POLDIP3: variants seen among roughly 807,000 people sequenced by gnomAD.
POLDIP3 encodes DNA polymerase delta interacting protein 3.
In POLDIP3, 14 loss-of-function variants were observed where a neutral mutation model predicts 45.1. The observed-to-expected ratio is 0.31, with a 90% CI of 0.20 to 0.49. The LOEUF is 0.49. Among genes scored for constraint, POLDIP3 ranks in the 20% least tolerant of loss-of-function variants. The pLI is 0.99. For missense variants in POLDIP3, 511 were observed against 538.8 expected, an observed-to-expected ratio of 0.95 and a Z score of 0.51; for synonymous variants, 223 against 205.2, an observed-to-expected ratio of 1.09 and a Z score of -0.74.
chr22:42,603,842 A>G lies in POLDIP3; in HGVS notation c.60-682T>C, dbSNP rs752729861. Among the ~76,000 whole-genome samples, 71 of 152,376 alleles carry G rather than the reference A, an allele frequency of 4.7e-4. 1 individual carries two copies. Among genetic ancestry groups the G allele is most frequent in the Non-Finnish European group, 6.0e-4 (41 of 68,036 alleles). ...GAAATGATCGGGTACAGGGTTCGCTATTTGGGTAATGGGTACACTAGAAAC... is the reference window on the plus strand; with the variant it reads ...GAAATGATCGGGTACAGGGTTCGCTGTTTGGGTAATGGGTACACTAGAAAC... On this transcript the variant is annotated intron_variant, in intron 1 of 8. Coordinates refer to ENST00000252115, the MANE Select transcript of POLDIP3 (RefSeq NM_032311.5).
At chr22:42,601,379 CAA>C (rs113485417) in intron 3 of POLDIP3, among the ~76,000 whole-genome samples, 8 of 120,218 alleles carry the variant, frequency 6.7e-5, no homozygotes, top group Non-Finnish European at 9.0e-5. Flanking sequence ...AAACAAAAGA[CAA>C]AAAAAAAAAA....
intron 1 of POLDIP3, 105 bp downstream of exon 1, chr22:42,614,694 C>T (rs1451855587): frequency 1.6e-6 from 2 of 1,278,128 alleles, no homozygotes; most frequent in Admixed American, 1.8e-5. Context: ...TGGTCGGGGG[C>T]GGGCGCACCC....
chr22:42,605,425 A>G (rs1204667936), intron 1 of POLDIP3, among the ~76,000 whole-genome samples: 1 of 152,182 alleles, frequency 6.6e-6, no homozygotes, highest in African/African-American at 2.4e-5. Context: ...TGCGCCCGGC[A>G]GTTTCTGTTT....
In POLDIP3 at chr22:42,587,581, C is replaced by T. The variant is rs1214932571; in HGVS notation, c.1022-9G>A. On this transcript the variant is annotated splice_polypyrimidine_tract_variant and intron_variant, in intron 7 of 8. Coordinates refer to ENST00000252115, the MANE Select transcript of POLDIP3 (RefSeq NM_032311.5). ...GCACTTCATCGGCTGCCCTGAAAAA[C>T]CAAAGAAAGAAAAAGGCTCTGCTAT... 1 of 1,612,702 alleles carries T rather than the reference C, an allele frequency of 6.2e-7. No individual in the cohort carries two copies. The highest frequency in any genetic ancestry group is 1.3e-5 in the African/African-American group (1 of 74,852).
chr22:42,585,274 C>G lies in POLDIP3; in HGVS notation c.*517G>C, dbSNP rs914623609. The G allele has an allele frequency of 5.8e-6, 3 of 515,476 alleles. No homozygotes were observed. Among genetic ancestry groups the G allele is most frequent in the African/African-American group, 5.8e-5 (3 of 51,884 alleles). The allele number at this position is 515,476 out of a possible 1,614,324, so 31.9% of individuals were successfully genotyped here. On this transcript the variant is annotated 3_prime_UTR_variant, in exon 9 of 9. Coordinates refer to ENST00000252115, the MANE Select transcript of POLDIP3 (RefSeq NM_032311.5). The stretch of plus-strand genomic sequence containing the variant: ...TGAGACCTGCTCCCCACCCAGGCAC[C>G]TCCACTGACAAGACAGAGGAGCGGC...
chr22:42,603,197 T>C (rs372328384), intron 1 of POLDIP3, 37 bp from the exon 2 acceptor site: 1,305 of 1,598,646 alleles, frequency 8.2e-4, no homozygotes, highest in Non-Finnish European at 9.9e-4. Context: ...TAAGTGGATC[T>C]GGGTATCTAC....
chr22:42,594,678 T>C lies in POLDIP3; in HGVS notation c.891+859A>G, dbSNP rs897469411. Reference sequence around the variant, plus strand: ...TTTCTAAACTAATGGCTCTTTTGGGTGCCTGAATGAAAATGATGTTGAAAA... The same window carrying C: ...TTTCTAAACTAATGGCTCTTTTGGGCGCCTGAATGAAAATGATGTTGAAAA... On this transcript the variant is annotated intron_variant, in intron 6 of 8. Transcript: ENST00000252115. Among the ~76,000 whole-genome samples, 3 of 152,264 alleles carry C rather than the reference T, an allele frequency of 2.0e-5. No individual in the cohort carries two copies. In the East Asian group the frequency reaches 5.8e-4, roughly 29 times the overall value.
At chr22:42,614,767 C>A in intron 1 of POLDIP3, 32 bp downstream of exon 1, 2 of 1,613,278 alleles carry the variant, frequency 1.2e-6, no homozygotes, top group South Asian at 2.2e-5. Context: ...GGCCGAGGAC[C>A]CTAAACCCCG....
chr22:42,592,784 G>A (rs77542381), intron 6 of POLDIP3, among the ~76,000 whole-genome samples: 14,494 of 152,226 alleles, frequency 0.095, 1,307 homozygotes, highest in East Asian at 0.55. Flanking sequence ...CATTGAGTCC[G>A]ATCTCCACCT....
chr22:42,588,193 C>T (rs866138631), intron 7 of POLDIP3, among the ~76,000 whole-genome samples: 2 of 152,164 alleles, frequency 1.3e-5, no homozygotes, highest in Non-Finnish European at 2.9e-5. Flanking sequence ...CGGTGGCTCA[C>T]GCCTGTAATC....
intron 7 of POLDIP3, among the ~76,000 whole-genome samples, chr22:42,588,714 C>T (rs1169098221): frequency 6.6e-6 from 1 of 151,392 alleles, no homozygotes; most frequent in Non-Finnish European, 1.5e-5. Flanking sequence ...CGGCAACCTC[C>T]GCCTCCTGGG....
At chr22:42,606,297 G>A (rs909353573) in intron 1 of POLDIP3, among the ~76,000 whole-genome samples, 8 of 151,922 alleles carry the variant, frequency 5.3e-5, no homozygotes, top group African/African-American at 1.9e-4. Flanking sequence ...CAAATGGCAG[G>A]ATGGCTTGAG....
intron 1 of POLDIP3, among the ~76,000 whole-genome samples, chr22:42,609,001 G>C (rs1165703433): frequency 6.6e-6 from 1 of 152,222 alleles, no homozygotes; most frequent in East Asian, 1.9e-4. Flanking sequence ...GCAGGCAGCA[G>C]TACTGGTTTC....
Position 42,603,140 on chromosome 22 carries a change from A to G in POLDIP3, c.80T>C (p.Val27Ala). ...AKGRLNARPG[V>A]GGVRSRVGIQ... Reference sequence around the variant, plus strand: ...CCCAACTCGAGATCGGACACCTCCAACTCCCGGTCTGGCATTAAGCCTGTA... The same window carrying G: ...CCCAACTCGAGATCGGACACCTCCAGCTCCCGGTCTGGCATTAAGCCTGTA... Residue 27 changes from valine (V) to alanine (A), a missense_variant, in exon 2 of 9, where the codon GTT (valine) becomes GCT (alanine). Transcript: ENST00000252115. 1 of 1,613,834 alleles carries G rather than the reference A, an allele frequency of 6.2e-7. No homozygotes were observed. The highest frequency in any genetic ancestry group is 8.5e-7 in the Non-Finnish European group (1 of 1,179,896).
chr22:42,589,021 A>C (rs1026948188), intron 7 of POLDIP3, among the ~76,000 whole-genome samples: 3 of 152,196 alleles, frequency 2.0e-5, no homozygotes, highest in Admixed American at 6.5e-5. Flanking sequence ...TGGGCAGATC[A>C]CTTGAAGCCA....
intron 4 of POLDIP3, among the ~76,000 whole-genome samples, chr22:42,598,656 T>C (rs1334681360): frequency 1.3e-5 from 2 of 152,304 alleles, no homozygotes; most frequent in African/African-American, 2.4e-5. Flanking sequence ...AGTGTTGAGA[T>C]TACAGGCGTG....
At chr22:42,601,918 G>A in intron 3 of POLDIP3, 52 bp downstream of exon 3, 1 of 1,584,948 alleles carries the variant, frequency 6.3e-7, no homozygotes, top group Non-Finnish European at 8.6e-7. Context: ...ACACCTACAT[G>A]TTCGCTATGT....
Position 42,613,985 on chromosome 22 carries a change from T to A in POLDIP3, c.59+814A>T, listed in dbSNP as rs181569138. Among the ~76,000 whole-genome samples the A allele has an allele frequency of 1.4e-3, 207 of 152,286 alleles. 1 individual carries two copies. Among genetic ancestry groups the A allele is most frequent in the Non-Finnish European group, 2.6e-3 (177 of 68,016 alleles). On this transcript the variant is annotated intron_variant, in intron 1 of 8. Coordinates refer to ENST00000252115, the MANE Select transcript of POLDIP3 (RefSeq NM_032311.5). ...GGGTCTAGGGGAAGTTTGGGAGACATGACTGCAAATCACCTCCATGGCTCC... is the reference window on the plus strand; with the variant it reads ...GGGTCTAGGGGAAGTTTGGGAGACAAGACTGCAAATCACCTCCATGGCTCC...
rs1206661640 is a variant in POLDIP3, at chr22:42,585,609, G to GAGCACAGGGCAGAACAC, written c.*165_*181dup. The GAGCACAGGGCAGAACAC allele has an allele frequency of 6.0e-6, 4 of 672,196 alleles. No individual in the cohort carries two copies. The highest frequency in any genetic ancestry group is 1.0e-5 in the Non-Finnish European group (4 of 389,530). The allele number at this position is 672,196 out of a possible 1,614,324, so 41.6% of individuals were successfully genotyped here. A position where few individuals can be genotyped will look rare whatever the true frequency, so the allele number is the denominator to read the frequency against. On this transcript the variant is annotated 3_prime_UTR_variant, in exon 9 of 9. Transcript: ENST00000252115. Reference sequence around the variant, plus strand: ...ACAGGAAACGTTAACGTAGAGAGAAGAGCACAGGGCAGAACACAACACAGA... The same window carrying GAGCACAGGGCAGAACAC: ...ACAGGAAACGTTAACGTAGAGAGAAGAGCACAGGGCAGAACACAGCACAGGGCAGAACACAACACAGA...
Sources: gnomAD v4.1 joint callset for allele counts (sites outside exome capture counted in the v4.1 genomes callset) on GRCh38, gnomAD v4.1.1 for gene constraint, MANE v1.5 for transcripts, NCBI Gene and HGNC (gene_info 2026-07-23, HGNC 2026-07-21) for gene names.